Variants in SGMS1 observed in about 807,000 individuals in gnomAD.
SGMS1 encodes the protein phosphatidylcholine:ceramide cholinephosphotransferase 1.
In SGMS1, 13 loss-of-function variants were observed where a neutral mutation model predicts 46.2. That is an observed-to-expected ratio of 0.28 (90% CI 0.18 to 0.45). The LOEUF is 0.45. Among genes scored for constraint, SGMS1 ranks in the 20% least tolerant of loss-of-function variants. SGMS1 has a pLI of 1.00. For missense variants in SGMS1, 324 were observed against 519.9 expected (o/e 0.62, Z 3.66); for synonymous variants, 203 against 187.8 (o/e 1.08, Z -0.66).
At chr10:50,610,079 G>C (rs896007599) in intron 1 of SGMS1, among the ~76,000 whole-genome samples, 1 of 152,054 alleles carries the variant, frequency 6.6e-6, no homozygotes, top group African/African-American at 2.4e-5. Flanking sequence ...AGCATCATAC[G>C]CACCTCCCCG....
chr10:50,624,937 C>G, upstream of SGMS1: 6 of 1,016,956 alleles, frequency 5.9e-6, no homozygotes, highest in Non-Finnish European at 7.1e-6. Context: ...CTGTCCGCGG[C>G]GCTCCGGGCA....
At chr10:50,349,847 A>C (rs1265936810) in intron 6 of SGMS1, among the ~76,000 whole-genome samples, 1 of 152,094 alleles carries the variant, frequency 6.6e-6, no homozygotes, top group Non-Finnish European at 1.5e-5. Flanking sequence ...TTTTCTTCTC[A>C]GTCTTGGGTA....
At chr10:50,603,798 T>C (rs1266551332) in intron 1 of SGMS1, among the ~76,000 whole-genome samples, 1 of 152,232 alleles carries the variant, frequency 6.6e-6, no homozygotes, top group Non-Finnish European at 1.5e-5. Flanking sequence ...TATGTATCTT[T>C]AAACACTTGT....
intron 5 of SGMS1, among the ~76,000 whole-genome samples, chr10:50,446,379 T>C (rs1837014669): frequency 6.6e-6 from 1 of 152,164 alleles, no homozygotes; most frequent in African/African-American, 2.4e-5. Flanking sequence ...TTTTGTATTC[T>C]TTCCCTGTAT....
intron 2 of SGMS1, among the ~76,000 whole-genome samples, chr10:50,579,192 A>C (rs1331789497): frequency 6.6e-6 from 1 of 152,146 alleles, no homozygotes; most frequent in Non-Finnish European, 1.5e-5. Context: ...AAACATGAAA[A>C]ATTGAATAGA....
intron 2 of SGMS1, among the ~76,000 whole-genome samples, chr10:50,560,916 C>T (rs1355335934): frequency 6.6e-6 from 1 of 152,138 alleles, no homozygotes; most frequent in African/African-American, 2.4e-5. Flanking sequence ...CATTACTCGG[C>T]AAGGGACAGA....
intron 6 of SGMS1, among the ~76,000 whole-genome samples, chr10:50,413,846 C>T (rs1364420558): frequency 6.6e-6 from 1 of 152,194 alleles, no homozygotes; most frequent in Non-Finnish European, 1.5e-5. Context: ...TTCTCATACA[C>T]CAAACTATAG....
intron 3 of SGMS1, among the ~76,000 whole-genome samples, chr10:50,518,021 C>T (rs1039556705): frequency 4.0e-4 from 61 of 152,018 alleles, no homozygotes; most frequent in African/African-American, 1.3e-3. Context: ...TCAGGGGAAA[C>T]GTAAGGATAG....
At chr10:50,588,861 C>T (rs1198892233) in intron 2 of SGMS1, among the ~76,000 whole-genome samples, 1 of 151,516 alleles carries the variant, frequency 6.6e-6, no homozygotes, top group African/African-American at 2.4e-5. Flanking sequence ...TCCCGAGTAG[C>T]TGGGATTACT....
At chr10:50,600,254 A>G (rs1211940448) in intron 1 of SGMS1, among the ~76,000 whole-genome samples, 3 of 152,252 alleles carry the variant, frequency 2.0e-5, no homozygotes, top group Non-Finnish European at 2.9e-5. Flanking sequence ...TGGTTATGAA[A>G]GAGGAGGGAA....
At chr10:50,583,655 T>C (rs1026717893) in intron 2 of SGMS1, among the ~76,000 whole-genome samples, 5 of 152,198 alleles carry the variant, frequency 3.3e-5, no homozygotes, top group African/African-American at 9.6e-5. Flanking sequence ...ATTTTGATCC[T>C]TAGTCTAGCC....
At chr10:50,602,084 A>G (rs10740762) in intron 1 of SGMS1, among the ~76,000 whole-genome samples, 100,086 of 152,068 alleles carry the variant, frequency 0.66, 33,365 homozygotes, top group Middle Eastern at 0.68. Context: ...ACCAATACCC[A>G]TTCTCTGGAC....
At chr10:50,475,212 G>A (rs925573420) in intron 3 of SGMS1, among the ~76,000 whole-genome samples, 4 of 152,136 alleles carry the variant, frequency 2.6e-5, no homozygotes, top group African/African-American at 9.7e-5. Flanking sequence ...ATATCTACCT[G>A]GAAGAAAAGA....
At chr10:50,339,722 T>C (rs1040679049) in intron 7 of SGMS1, among the ~76,000 whole-genome samples, 3 of 152,228 alleles carry the variant, frequency 2.0e-5, no homozygotes, top group East Asian at 1.9e-4. Context: ...GGCACTGGGA[T>C]AGAAAGGTGA....
chr10:50,496,113 G>T (rs557638818), intron 3 of SGMS1, among the ~76,000 whole-genome samples: 32 of 152,274 alleles, frequency 2.1e-4, no homozygotes, highest in African/African-American at 7.5e-4. Context: ...ACAGTTCCTT[G>T]CTTCTCTGCA....
intron 2 of SGMS1, among the ~76,000 whole-genome samples, chr10:50,567,860 G>C (rs547519889): frequency 1.3e-5 from 2 of 152,258 alleles, no homozygotes; most frequent in African/African-American, 4.8e-5. Context: ...ACAATCCTTG[G>C]ATTTCAGACT....
intron 2 of SGMS1, among the ~76,000 whole-genome samples, chr10:50,563,830 A>C (rs947702422): frequency 5.9e-5 from 9 of 151,888 alleles, no homozygotes; most frequent in Non-Finnish European, 1.2e-4. Flanking sequence ...TTTAAATTAC[A>C]GGAATCCACA....
intron 3 of SGMS1, among the ~76,000 whole-genome samples, chr10:50,481,886 G>C (rs1837480524): frequency 6.6e-6 from 1 of 152,166 alleles, no homozygotes; most frequent in Non-Finnish European, 1.5e-5. Flanking sequence ...ACAACTACAA[G>C]TATCAAGAGC....
chr10:50,318,051 C>T (rs553063848), intron 8 of SGMS1, among the ~76,000 whole-genome samples: 2 of 152,248 alleles, frequency 1.3e-5, no homozygotes, highest in Non-Finnish European at 1.5e-5. Flanking sequence ...CAATGTCCAC[C>T]GCCTTGGGCC....
Sources: gnomAD v4.1 joint callset for allele counts (sites outside exome capture counted in the v4.1 genomes callset) on GRCh38, gnomAD v4.1.1 for gene constraint, MANE v1.5 for transcripts, NCBI Gene and HGNC (gene_info 2026-07-23, HGNC 2026-07-21) for gene names.